Variants in FBXL17 observed in about 807,000 individuals in gnomAD.
The protein encoded by FBXL17 is F-box/LRR-repeat protein 17.
Under a neutral mutation model 66.2 loss-of-function variants are expected in FBXL17, and 22 were observed. That is an observed-to-expected ratio of 0.33 (90% CI 0.24 to 0.47). FBXL17 has a LOEUF of 0.47. Among genes scored for constraint, FBXL17 ranks in the 20% least tolerant of loss-of-function variants. The pLI is 1.00. For synonymous variants in FBXL17, 474 were observed against 400.5 expected (o/e 1.18, Z -2.19); for missense variants, 878 against 948.2 (o/e 0.93, Z 0.97).
chr5:107,883,605 C>T (rs1051156112), intron 7 of FBXL17, among the ~76,000 whole-genome samples: 49 of 152,174 alleles, frequency 3.2e-4, no homozygotes, highest in African/African-American at 1.1e-3. Flanking sequence ...CTTCTCAGAA[C>T]TGATCACCCT....
rs138381338 is a variant in FBXL17 at position 108,257,707 on chromosome 5, T to G, written c.1507-33479A>C. On this transcript the variant is annotated intron_variant, in intron 4 of 8. Coordinates refer to ENST00000542267, the MANE Select transcript of FBXL17 (RefSeq NM_001163315.3). ...AGAACCAAGAAACCAGGAATTCTCA[T>G]GCCAAAATATGTGCCCAGGTGGACT... is the stretch of plus-strand genomic sequence containing the variant. Among the ~76,000 whole-genome samples the G allele has an allele frequency of 2.7e-3, 418 of 152,228 alleles. 4 individuals are homozygous for G. The highest frequency in any genetic ancestry group is 9.6e-3 in the African/African-American group (400 of 41,548).
chr5:107,917,603 A>G (rs992024829), intron 7 of FBXL17, among the ~76,000 whole-genome samples: 7 of 152,206 alleles, frequency 4.6e-5, no homozygotes, highest in African/African-American at 1.7e-4. Flanking sequence ...GAGCTCATCT[A>G]CTATTTAGTC....
chr5:108,325,170 G>A (rs1402207940), intron 4 of FBXL17, among the ~76,000 whole-genome samples: 1 of 151,884 alleles, frequency 6.6e-6, no homozygotes, highest in Non-Finnish European at 1.5e-5. Flanking sequence ...CTTAAAAATG[G>A]GTAAGATGGT....
intron 6 of FBXL17, among the ~76,000 whole-genome samples, chr5:108,136,031 A>G (rs1751120424): frequency 6.6e-6 from 1 of 152,128 alleles, no homozygotes; most frequent in Non-Finnish European, 1.5e-5. Flanking sequence ...AAATAGGAGG[A>G]AAAAAGTTGA....
At chr5:108,353,310 A>G (rs1265387010) in intron 3 of FBXL17, among the ~76,000 whole-genome samples, 2 of 152,208 alleles carry the variant, frequency 1.3e-5, no homozygotes, top group Non-Finnish European at 2.9e-5. Context: ...AACTACTACC[A>G]GAAACCTCAG....
chr5:108,311,271 C>T (rs1759104677), intron 4 of FBXL17, among the ~76,000 whole-genome samples: 1 of 151,740 alleles, frequency 6.6e-6, no homozygotes, highest in Non-Finnish European at 1.5e-5. Context: ...TCCTGGGTCC[C>T]AGCAATTCTC....
chr5:108,113,703 A>G (rs1007972371), intron 6 of FBXL17, among the ~76,000 whole-genome samples: 4 of 152,136 alleles, frequency 2.6e-5, no homozygotes, highest in African/African-American at 4.8e-5. Context: ...AATTTTAGGT[A>G]TACCTAAATT....
chr5:108,079,166 T>TTA (rs1017743364), intron 6 of FBXL17, among the ~76,000 whole-genome samples: 2 of 151,840 alleles, frequency 1.3e-5, no homozygotes, highest in Non-Finnish European at 2.9e-5. Flanking sequence ...CTTTTTTTTT[T>TTA]TTTTTATTAA....
chr5:108,299,870 A>G (rs1758508859), intron 4 of FBXL17: 1 of 975,228 alleles, frequency 1.0e-6, no homozygotes, highest in Non-Finnish European at 1.2e-6. Context: ...TGGAAAAATC[A>G]TTAGATATTT....
chr5:108,381,711 G>T lies in FBXL17; in HGVS notation c.-20C>A. ...GCCCATATAGAAGGCCCCGAGGAGGGGGACCGGGACGGGAGGGAGGGAGAC... is the reference window on the plus strand; with the variant it reads ...GCCCATATAGAAGGCCCCGAGGAGGTGGACCGGGACGGGAGGGAGGGAGAC... On this transcript the variant is annotated 5_prime_UTR_variant, in exon 1 of 9. Transcript: ENST00000542267. The T allele has an allele frequency of 7.0e-7, 1 of 1,435,672 alleles. No individual in the cohort carries two copies. Among genetic ancestry groups the T allele is most frequent in the South Asian group, 1.4e-5 (1 of 71,730 alleles). 88.9% of individuals were successfully genotyped at this position (1,435,672 alleles called of 1,614,324 possible).
chr5:108,210,192 C>T (rs532472153), intron 5 of FBXL17, among the ~76,000 whole-genome samples: 16 of 151,838 alleles, frequency 1.1e-4, no homozygotes, highest in Admixed American at 7.2e-4. Context: ...TCTATTTGAT[C>T]CTTCTCTCTT....
chr5:108,135,423 T>G (rs773435539), intron 6 of FBXL17, among the ~76,000 whole-genome samples: 30 of 152,190 alleles, frequency 2.0e-4, no homozygotes, highest in Non-Finnish European at 4.3e-4. Context: ...TGCAAGCATC[T>G]GGATCCTGAT....
intron 7 of FBXL17, among the ~76,000 whole-genome samples, chr5:107,957,420 TA>T (rs907401612): frequency 1.3e-5 from 2 of 149,004 alleles, no homozygotes; most frequent in Non-Finnish European, 3.0e-5. Flanking sequence ...GGTCTAATTA[TA>T]AAAAAAAAAT....
At position 108,381,074 on chromosome 5, in the gene FBXL17, G is replaced by A. The variant is rs1303658445; in HGVS notation, c.618C>T (p.Ala206=). The part of the protein sequence containing the change: ...VCKRKGAGVP[A]CTPCKQPRCG... ...AGCGGGGCTGCTTGCAGGGGGTGCAGGCGGGGACCCCGGCCCCCTTCCGCT... is the reference window on the plus strand; with the variant it reads ...AGCGGGGCTGCTTGCAGGGGGTGCAAGCGGGGACCCCGGCCCCCTTCCGCT... The change falls in exon 1 of 9, where the codon GCC becomes GCT. Residue 206 remains alanine (A), a synonymous_variant. Transcript: ENST00000542267. 4 of 1,246,304 alleles carry A rather than the reference G, an allele frequency of 3.2e-6. No homozygotes were observed. Among genetic ancestry groups the A allele is most frequent in the East Asian group, 6.4e-5 (2 of 31,240 alleles). 77.2% of individuals were successfully genotyped at this position (1,246,304 alleles called of 1,614,324 possible).
intron 5 of FBXL17, among the ~76,000 whole-genome samples, chr5:108,222,672 C>CTTTTTT (rs34291617): frequency 2.6e-5 from 3 of 117,404 alleles, no homozygotes; most frequent in African/African-American, 3.2e-5. Flanking sequence ...ACTATGGCAT[C>CTTTTTT]TTTTTTTTTT....
chr5:108,238,132 C>T (rs2150095883), intron 4 of FBXL17, among the ~76,000 whole-genome samples: 1 of 152,244 alleles, frequency 6.6e-6, no homozygotes, highest in Non-Finnish European at 1.5e-5. Flanking sequence ...AAACAGAGAA[C>T]ACATTGGCAC....
In FBXL17 at chr5:108,108,351, A is replaced by G. The variant is rs540551460; in HGVS notation, c.1745+77766T>C. 3.9e-5 allele frequency among the ~76,000 whole-genome samples: 6 copies of G among 152,354 alleles called. No individual in the cohort carries two copies. The East Asian group carries it at 1.2e-3, about 29-fold the overall frequency. On this transcript the variant is annotated intron_variant, in intron 6 of 8. Transcript: ENST00000542267. Reference sequence around the variant, plus strand: ...TAACTCCAGTGCTAACAATAGGGAAATCAACAGTATTTGTTAAAAAAGTAG... The same window carrying G: ...TAACTCCAGTGCTAACAATAGGGAAGTCAACAGTATTTGTTAAAAAAGTAG...
At chr5:108,206,098 T>G (rs1230286985) in intron 5 of FBXL17, among the ~76,000 whole-genome samples, 1 of 152,140 alleles carries the variant, frequency 6.6e-6, no homozygotes, top group Admixed American at 6.5e-5. Flanking sequence ...ATAATCGCTT[T>G]TGCTTTCATT....
chr5:107,947,852 T>A (rs1751365649), intron 7 of FBXL17, among the ~76,000 whole-genome samples: 1 of 152,152 alleles, frequency 6.6e-6, no homozygotes, highest in South Asian at 2.1e-4. Flanking sequence ...GAATCTCTTA[T>A]TTTTTAAAAA....
Sources: gnomAD v4.1 joint callset for allele counts (sites outside exome capture counted in the v4.1 genomes callset) on GRCh38, gnomAD v4.1.1 for gene constraint, MANE v1.5 for transcripts, NCBI Gene and HGNC (gene_info 2026-07-23, HGNC 2026-07-21) for gene names.